The following ALKBH7 variants were observed in gnomAD, a reference collection of about 807,000 sequenced individuals.
ALKBH7 encodes the protein alkB homolog 7, RNA demethylase.
ALKBH7 carries 21 observed loss-of-function variants against 19.3 expected under a neutral mutation model. The observed-to-expected ratio is 1.09, with a 90% CI of 0.77 to 1.56. The LOEUF (loss-of-function observed/expected upper bound fraction) is 1.56. Ranked by LOEUF, ALKBH7 falls within the 40% of genes most tolerant of loss-of-function variation. The pLI is 0.00. For missense variants in ALKBH7, 354 were observed against 311.4 expected, an observed-to-expected ratio of 1.14 and a Z score of -1.03; for synonymous variants, 147 against 139.5, an observed-to-expected ratio of 1.05 and a Z score of -0.38.
intron 1 of ALKBH7, 30 bp downstream of exon 1, chr19:6,373,054 C>CG (rs1192450904): frequency 6.5e-7 from 1 of 1,538,456 alleles, no homozygotes; most frequent in African/African-American, 1.4e-5. Context: ...GGGCGAGGGA[C>CG]GGGGGCTCGT....
Position 6,373,034 on chromosome 19 carries a change from G to T in ALKBH7, c.204+10G>T. ...CGATCACTGGGACGCGGTGAGACCG[G>T]CAGCGCCGGGGGCGAGGGACGGGGG... On this transcript the variant is annotated intron_variant, in intron 1 of 3. Transcript: ENST00000245812. The T allele has an allele frequency of 1.3e-6, 2 of 1,554,792 alleles. No individual in the cohort carries two copies. The highest frequency in any genetic ancestry group is 1.7e-6 in the Non-Finnish European group (2 of 1,152,420).
intron 1 of ALKBH7, chr19:6,373,710 C>G (rs1017097007): frequency 1.4e-5 from 18 of 1,241,842 alleles, no homozygotes; most frequent in Non-Finnish European, 1.8e-5. Context: ...AGGGGAGACA[C>G]ATGCTGGGAT....
At chr19:6,373,065 C>T in intron 1 of ALKBH7, 41 bp downstream of exon 1, 10 of 1,528,150 alleles carry the variant, frequency 6.5e-6, no homozygotes, top group Non-Finnish European at 7.9e-6. Flanking sequence ...GGGGGCTCGT[C>T]GGGGGCGCGG....
At position 6,374,387 on chromosome 19, in the gene ALKBH7, G is replaced by A; in HGVS notation, c.378+11G>A. 1 of 1,604,996 alleles carries A rather than the reference G, an allele frequency of 6.2e-7. No individual in the cohort carries two copies. The highest frequency in any genetic ancestry group is 8.5e-7 in the Non-Finnish European group (1 of 1,174,878). On this transcript the variant is annotated intron_variant, in intron 2 of 3. Transcript: ENST00000245812. Reference sequence around the variant, plus strand: ...GTGGACAGCATCAAGGTGGGCAGAGGACGGTGCCTTGGCACTCCCAGCCAG... The same window carrying A: ...GTGGACAGCATCAAGGTGGGCAGAGAACGGTGCCTTGGCACTCCCAGCCAG...
At chr19:6,374,642 C>G (rs1599203398) in intron 3 of ALKBH7, 53 bp downstream of exon 3, 1 of 1,611,166 alleles carries the variant, frequency 6.2e-7, no homozygotes, top group Admixed American at 1.7e-5. Context: ...ATCCGCCCAC[C>G]CTGTGCCCTG....
rs201804689 is a variant in ALKBH7, at chr19:6,374,888, G to A, written c.581G>A (p.Arg194Gln). The change falls in exon 4 of 4, where the codon CGG becomes CAG. Residue 194 changes from arginine (R) to glutamine (Q), a missense_variant. Arg to Gln is a conservative substitution (Grantham distance 43, BLOSUM62 1). Transcript: ENST00000245812. ...ESFFGERRIP[R>Q]GRRISVICRS... ...TTCTTTGGGGAACGCCGGATTCCCC[G>A]GGGCCGGCGCATCTCCGTGATCTGC... 5.3e-5 allele frequency: 85 copies of A among 1,614,098 alleles called. No individual in the cohort carries two copies. The Admixed American group carries it at 8.7e-4, about 16-fold the overall frequency.
At position 6,375,080 on chromosome 19, in the gene ALKBH7, C is replaced by G. The variant is rs2091915115; in HGVS notation, c.*107C>G. The G allele has an allele frequency of 7.0e-7, 1 of 1,435,354 alleles. No individual in the cohort carries two copies. Among genetic ancestry groups the G allele is most frequent in the Non-Finnish European group, 9.2e-7 (1 of 1,085,290 alleles). The allele number at this position is 1,435,354 out of a possible 1,614,324, so 88.9% of individuals were successfully genotyped here. A position where few individuals can be genotyped will look rare whatever the true frequency, so the allele number is the denominator to read the frequency against. ...GCTGGGGCCGGGATTTGCAGGGGAA[C>G]CCAGGATGGCACTGGCCCATAGGGA... On this transcript the variant is annotated 3_prime_UTR_variant, in exon 4 of 4. Transcript: ENST00000245812.
intron 1 of ALKBH7, chr19:6,373,987 A>T: frequency 7.1e-6 from 7 of 984,968 alleles, no homozygotes; most frequent in Non-Finnish European, 8.4e-6. Flanking sequence ...GGGCCGGGCC[A>T]GCATTGGGGA....
In ALKBH7 at chr19:6,375,241, A is replaced by T; in HGVS notation, c.*268A>T. 1 of 1,390,058 alleles carries T rather than the reference A, an allele frequency of 7.2e-7. No homozygotes were observed. The highest frequency in any genetic ancestry group is 9.3e-7 in the Non-Finnish European group (1 of 1,079,250). 86.1% of individuals were successfully genotyped at this position (1,390,058 alleles called of 1,614,324 possible). A position where few individuals can be genotyped will look rare whatever the true frequency, so the allele number is the denominator to read the frequency against. ...TCTGCATCCAGGTCTCCAATAAATA[A>T]GTCAGCCGAGCTCCCCCAGCACTGC... On this transcript the variant is annotated 3_prime_UTR_variant, in exon 4 of 4. Coordinates refer to ENST00000245812, the MANE Select transcript of ALKBH7 (RefSeq NM_032306.4).
intron 3 of ALKBH7, 74 bp from the exon 4 acceptor site, chr19:6,374,737 A>G (rs2145063654): frequency 6.3e-7 from 1 of 1,591,030 alleles, no homozygotes; most frequent in Non-Finnish European, 8.6e-7. Context: ...GGAATCCAGG[A>G]GGCTGGAATC....
chr19:6,373,041 C>T lies in ALKBH7; in HGVS notation c.204+17C>T, dbSNP rs774587795. On this transcript the variant is annotated intron_variant, in intron 1 of 3. Coordinates refer to ENST00000245812, the MANE Select transcript of ALKBH7 (RefSeq NM_032306.4). ...TGGGACGCGGTGAGACCGGCAGCGC[C>T]GGGGGCGAGGGACGGGGGCTCGTCG... 2.5e-5 allele frequency: 38 copies of T among 1,549,190 alleles called. No individual in the cohort carries two copies. Among genetic ancestry groups the T allele is most frequent in the Non-Finnish European group, 3.0e-5 (34 of 1,149,746 alleles).
rs1268898311 is a variant in ALKBH7, at chr19:6,372,892, C to T, written c.72C>T (p.Ser24=). The part of the protein sequence containing the change: ...GPSWVRGSGP[S]VLSRLQDAAV... ...GCTGGGTGCGAGGCTCGGGCCCTTC[C>T]GTGCTGAGCCGCCTGCAGGACGCGG... The change falls in exon 1 of 4, where the codon TCC becomes TCT. Residue 24 remains serine, a synonymous_variant. Coordinates refer to ENST00000245812, the MANE Select transcript of ALKBH7 (RefSeq NM_032306.4). The T allele has an allele frequency of 3.9e-6, 6 of 1,551,760 alleles. No individual in the cohort carries two copies. Among genetic ancestry groups the T allele is most frequent in the African/African-American group, 1.4e-5 (1 of 73,404 alleles).
rs377096824 is a variant in ALKBH7, at chr19:6,374,896, C to T, written c.589C>T (p.Arg197Cys). The change falls in exon 4 of 4, where the codon CGC (arginine) becomes TGC (cysteine). Residue 197 changes from arginine (R) to cysteine (C), a missense_variant. Arg to Cys is a radical substitution (Grantham distance 180). Transcript: ENST00000245812. ...GGAACGCCGGATTCCCCGGGGCCGG[C>T]GCATCTCCGTGATCTGCCGCTCCCT... Reference protein sequence around the residue: ...FGERRIPRGRRISVICRSLPE... With the variant: ...FGERRIPRGRCISVICRSLPE... 4.5e-5 allele frequency: 73 copies of T among 1,613,968 alleles called. No homozygotes were observed. The highest frequency in any genetic ancestry group is 1.6e-4 in the South Asian group (15 of 91,072).
chr19:6,374,419 G>A, intron 2 of ALKBH7, 43 bp downstream of exon 2: 4 of 1,605,346 alleles, frequency 2.5e-6, no homozygotes, highest in South Asian at 1.1e-5. Flanking sequence ...CCAGGGGGTA[G>A]GCAGGCCCGG....
Position 6,375,018 on chromosome 19 carries a change from A to C in ALKBH7, c.*45A>C, listed in dbSNP as rs761411448. 6.5e-6 allele frequency: 10 copies of C among 1,542,852 alleles called. No individual in the cohort carries two copies. In the Admixed American group the frequency reaches 9.5e-5, roughly 15 times the overall value. ...ACCAGATTTGTGAATAAAGTTGGGG[A>C]ATGGACAGCCTAACTGGGACATTGC... On this transcript the variant is annotated 3_prime_UTR_variant, in exon 4 of 4. Coordinates refer to ENST00000245812, the MANE Select transcript of ALKBH7 (RefSeq NM_032306.4).
Position 6,373,587 on chromosome 19 carries a change from A to G in ALKBH7, c.204+563A>G, listed in dbSNP as rs942556401. 101 of 1,186,314 alleles carry G rather than the reference A, an allele frequency of 8.5e-5. No individual in the cohort carries two copies. The African/African-American group carries it at 1.1e-3, about 13-fold the overall frequency. 73.5% of individuals were successfully genotyped at this position (1,186,314 alleles called of 1,614,324 possible). ...TCGAGCGCATGGATGGGGCGGGGCC[A>G]AGCTTGGGGCGGGGTCCGTGGAGTC... On this transcript the variant is annotated intron_variant, in intron 1 of 3. Transcript: ENST00000245812.
At position 6,374,343 on chromosome 19, in the gene ALKBH7, C is replaced by T. The variant is rs941932846; in HGVS notation, c.345C>T (p.Arg115=). 7 of 1,610,418 alleles carry T rather than the reference C, an allele frequency of 4.3e-6. No individual in the cohort carries two copies. The African/African-American group carries it at 5.3e-5, about 12-fold the overall frequency. The change falls in exon 2 of 4, where the codon CGC becomes CGT. Residue 115 remains arginine, a synonymous_variant. Coordinates refer to ENST00000245812, the MANE Select transcript of ALKBH7 (RefSeq NM_032306.4). The part of the protein sequence containing the change: ...SSVHVLDLEA[R]GYIKPHVDSI... ...TGCACGTGCTGGACCTGGAAGCCCG[C>T]GGCTACATCAAGCCCCACGTGGACA...
rs369965638 is a variant in ALKBH7, at chr19:6,374,451, C to T, written c.379-14C>T. On this transcript the variant is annotated splice_polypyrimidine_tract_variant and intron_variant, in intron 2 of 3. Coordinates refer to ENST00000245812, the MANE Select transcript of ALKBH7 (RefSeq NM_032306.4). ...CCGGTTAGATCCTGACCCATCCCCACGCCTCTTTTGCAGTTCTGCGGGGCC... is the reference window on the plus strand; with the variant it reads ...CCGGTTAGATCCTGACCCATCCCCATGCCTCTTTTGCAGTTCTGCGGGGCC... 503 of 1,612,742 alleles carry T rather than the reference C, an allele frequency of 3.1e-4. 3 individuals carry two copies. The Middle Eastern group carries it at 8.6e-3, about 28-fold the overall frequency.
At position 6,375,074 on chromosome 19, in the gene ALKBH7, G is replaced by C. The variant is rs1029675067; in HGVS notation, c.*101G>C. ...CTGCTTGCTGGGGCCGGGATTTGCAGGGGAACCCAGGATGGCACTGGCCCA... is the reference window on the plus strand; with the variant it reads ...CTGCTTGCTGGGGCCGGGATTTGCACGGGAACCCAGGATGGCACTGGCCCA... On this transcript the variant is annotated 3_prime_UTR_variant, in exon 4 of 4. Coordinates refer to ENST00000245812, the MANE Select transcript of ALKBH7 (RefSeq NM_032306.4). 11 of 1,451,948 alleles carry C rather than the reference G, an allele frequency of 7.6e-6. No homozygotes were observed. The highest frequency in any genetic ancestry group is 5.6e-5 in the South Asian group (4 of 71,528). 89.9% of individuals were successfully genotyped at this position (1,451,948 alleles called of 1,614,324 possible).
Sources: allele counts gnomAD v4.1 joint callset, GRCh38; gene constraint gnomAD v4.1.1; transcripts MANE v1.5; gene names NCBI Gene and HGNC (gene_info 2026-07-23, HGNC 2026-07-21).